Variants in PTPRF observed in about 807,000 individuals in gnomAD.
PTPRF encodes the protein protein tyrosine phosphatase receptor type F.
A neutral mutation model predicts 201.8 loss-of-function variants in PTPRF; 59 were observed. The observed-to-expected ratio is 0.29, with a 90% CI of 0.24 to 0.36. The LOEUF (loss-of-function observed/expected upper bound fraction) is 0.36, where lower values mean the gene tolerates loss of function less well. Among genes scored for constraint, PTPRF ranks in the 10% least tolerant of loss-of-function variants. The pLI, the probability that PTPRF is intolerant of heterozygous loss-of-function variation, is 1.00. For missense variants in PTPRF, 2,132 were observed against 2,690.5 expected, an observed-to-expected ratio of 0.79 and a Z score of 4.59; for synonymous variants, 1,088 against 1,089.7, an observed-to-expected ratio of 1.00 and a Z score of 0.03.
chr1:43,580,263 C>T (rs1005201664), intron 7 of PTPRF, among the ~76,000 whole-genome samples: 31 of 152,254 alleles, frequency 2.0e-4, no homozygotes, highest in African/African-American at 7.5e-4. Context: ...GTCAGACTTG[C>T]TTACTCAGAG....
intron 3 of PTPRF, among the ~76,000 whole-genome samples, chr1:43,552,124 A>AG (rs1266498886): frequency 6.6e-6 from 1 of 151,930 alleles, no homozygotes; most frequent in East Asian, 1.9e-4. Context: ...AGAAAAAAAA[A>AG]ATTCACAAAC....
Position 43,620,525 on chromosome 1 carries a change from T to G in PTPRF, c.5310T>G (p.Ala1770=), listed in dbSNP as rs200994272. Residue 1770 remains alanine (A), a synonymous_variant, in exon 31 of 34, where the codon GCT becomes GCG. Coordinates refer to ENST00000359947, the MANE Select transcript of PTPRF (RefSeq NM_002840.5). ...AGTACTTTGTTGTTGACCCGATGGC[T>G]GAGTACAACATGCCCCAGTATATCC... The part of the protein sequence containing the change: ...RYQYFVVDPM[A]EYNMPQYILR... 68 of 1,613,936 alleles carry G rather than the reference T, an allele frequency of 4.2e-5. No individual in the cohort carries two copies. Among genetic ancestry groups the G allele is most frequent in the Middle Eastern group, 1.6e-4 (1 of 6,082 alleles).
chr1:43,588,807 A>T lies in PTPRF; in HGVS notation c.756A>T (p.Thr252=), dbSNP rs1459905156. The T allele has an allele frequency of 6.2e-7, 1 of 1,614,058 alleles. No individual in the cohort carries two copies. The highest frequency in any genetic ancestry group is 1.3e-5 in the African/African-American group (1 of 75,058). The change falls in exon 8 of 34, where the codon ACA becomes ACT. Residue 252 remains threonine, a synonymous_variant. Coordinates refer to ENST00000359947, the MANE Select transcript of PTPRF (RefSeq NM_002840.5). The surrounding 1 kb of genome is among the most constrained non-coding windows in gnomAD (Gnocchi z 5.3). ...TGCCAGGCGGCAGCGTGAACCTGAC[A>T]TGCGTGGCAGTGGGTGCACCCATGC... ...EVMPGGSVNL[T]CVAVGAPMPY...
chr1:43,620,616 T>G (rs772354250), intron 31 of PTPRF, 37 bp downstream of exon 31: 10 of 1,603,776 alleles, frequency 6.2e-6, no homozygotes, highest in Admixed American at 3.4e-5. Context: ...TAACGCTGCC[T>G]GTCCACACGC....
intron 24 of PTPRF, 23 bp downstream of exon 24, chr1:43,617,591 C>G (rs757471591): frequency 3.7e-6 from 6 of 1,613,538 alleles, no homozygotes; most frequent in Non-Finnish European, 5.1e-6. Flanking sequence ...GGTGCCCCTC[C>G]CATCCCCTTG....
At chr1:43,598,600 T>A in intron 12 of PTPRF, 120 bp from the exon 13 acceptor site, 1 of 934,486 alleles carries the variant, frequency 1.1e-6, no homozygotes, top group Non-Finnish European at 1.6e-6. Flanking sequence ...CTAAGGAAAC[T>A]GTATCAGGGC....
In PTPRF at chr1:43,602,567, TCAAGG is replaced by T. The variant is rs1557824539; in HGVS notation, c.2340+472_2340+476del. Among the ~76,000 whole-genome samples the T allele has an allele frequency of 4.6e-5, 7 of 152,130 alleles. No individual in the cohort carries two copies. The South Asian group carries it at 1.2e-3, about 27-fold the overall frequency. On this transcript the variant is annotated intron_variant, in intron 14 of 33. Transcript: ENST00000359947. The stretch of plus-strand genomic sequence containing the variant: ...GTGGTGGCAGCTGCAGGGGCCCCAC[TCAAGG>T]CCAGAGCTGGAGGGATACCAGGGTT...
intron 17 of PTPRF, 85 bp downstream of exon 17, chr1:43,605,085 C>T (rs1028034442): frequency 2.0e-5 from 32 of 1,577,174 alleles, no homozygotes; most frequent in South Asian, 9.1e-5. Context: ...CATGTGCATC[C>T]GGCTGTGGAG....
In PTPRF at chr1:43,604,882, ACT is replaced by A. The variant is rs781199201; in HGVS notation, c.3038-14_3038-13del. The A allele has an allele frequency of 4.4e-6, 7 of 1,606,906 alleles. No homozygotes were observed. Among genetic ancestry groups the A allele is most frequent in the Non-Finnish European group, 3.4e-6 (4 of 1,174,660 alleles). ...CCACCTCATATACCCAGCAGAGCTG[ACT>A]CTCTCTATGCCTTTGCAGTGTTTGC... On this transcript the variant is annotated intron_variant, in intron 16 of 33. Transcript: ENST00000359947.
chr1:43,524,593 G>T (rs1276235742), upstream of PTPRF, among the ~76,000 whole-genome samples: 3 of 152,148 alleles, frequency 2.0e-5, no homozygotes, highest in Non-Finnish European at 4.4e-5. Context: ...GAAGGTTGGG[G>T]GTGGTGCTCA....
Position 43,545,102 on chromosome 1 carries a change from G to A in PTPRF, c.27G>A (p.Arg9=). The change falls in exon 3 of 34, where the codon AGG becomes AGA. Residue 9 remains arginine, a synonymous_variant. Coordinates refer to ENST00000359947, the MANE Select transcript of PTPRF (RefSeq NM_002840.5). MAPEPAPG[R]TMVPLVPALV... ...TGGCCCCTGAGCCAGCCCCAGGGAG[G>A]ACGATGGTGCCCCTTGTGCCTGCAC... 2 of 1,586,708 alleles carry A rather than the reference G, an allele frequency of 1.3e-6. No individual in the cohort carries two copies. The highest frequency in any genetic ancestry group is 8.6e-7 in the Non-Finnish European group (1 of 1,166,218).
Position 43,569,806 on chromosome 1 carries a change from C to G in PTPRF, c.568+28C>G, listed in dbSNP as rs760735056. On this transcript the variant is annotated intron_variant, in intron 6 of 33. Coordinates refer to ENST00000359947, the MANE Select transcript of PTPRF (RefSeq NM_002840.5). ...GAGCAGAGGGCAGGGGTCAAGGGGC[C>G]ATGCAGACCTCAGAACAAGCGTCTT... The G allele has an allele frequency of 2.5e-6, 4 of 1,579,922 alleles. No individual in the cohort carries two copies. The South Asian group carries it at 4.6e-5, about 18-fold the overall frequency.
intron 6 of PTPRF, chr1:43,575,984 C>T (rs1352745172): frequency 7.4e-7 from 1 of 1,350,798 alleles, no homozygotes; most frequent in East Asian, 4.6e-5. Flanking sequence ...CCGTCACCTC[C>T]ACTCCATCCC....
chr1:43,598,151 C>A, intron 12 of PTPRF, 98 bp downstream of exon 12: 1 of 1,243,410 alleles, frequency 8.0e-7, no homozygotes, highest in Non-Finnish European at 1.1e-6. Flanking sequence ...AGGCCCAGGT[C>A]AACTCATCTT....
intron 2 of PTPRF, among the ~76,000 whole-genome samples, chr1:43,539,464 A>G (rs553263024): frequency 1.3e-5 from 2 of 152,304 alleles, no homozygotes; most frequent in South Asian, 4.1e-4. Flanking sequence ...TCTCTTGTTC[A>G]TCACCCTGCC....
intron 20 of PTPRF, 141 bp from the exon 21 acceptor site, chr1:43,606,673 C>T: frequency 3.9e-6 from 5 of 1,269,484 alleles, no homozygotes; most frequent in Non-Finnish European, 5.4e-6. Context: ...GGGACCCAGT[C>T]CTGCCAGGTC....
intron 5 of PTPRF, among the ~76,000 whole-genome samples, chr1:43,558,858 A>G (rs1334381393): frequency 1.3e-5 from 2 of 152,028 alleles, no homozygotes; most frequent in African/African-American, 4.8e-5. Context: ...TCATGGATTC[A>G]CCTGGGGCCG....
At chr1:43,577,048 C>G (rs1318011451) in intron 6 of PTPRF, among the ~76,000 whole-genome samples, 2 of 152,124 alleles carry the variant, frequency 1.3e-5, no homozygotes, top group African/African-American at 2.4e-5. Context: ...CAAATAGGCA[C>G]CCAGTCTCTG....
chr1:43,531,619 C>T lies in PTPRF; in HGVS notation c.-126+529C>T, dbSNP rs534461405. ...AGCCGGCGCGCCCGGGTCTCGCTCG[C>T]GGCCCCGGCGCACGTGCGGTCCCGG... On this transcript the variant is annotated intron_variant, in intron 1 of 33. Coordinates refer to ENST00000359947, the MANE Select transcript of PTPRF (RefSeq NM_002840.5). Among the ~76,000 whole-genome samples the T allele has an allele frequency of 2.5e-3, 378 of 150,290 alleles. 1 individual carries two copies. The highest frequency in any genetic ancestry group is 8.7e-3 in the African/African-American group (360 of 41,146).
Sources: gnomAD v4.1 joint callset for allele counts (sites outside exome capture counted in the v4.1 genomes callset) on GRCh38, gnomAD v4.1.1 for gene constraint, Gnocchi (gnomAD v3.1) non-coding constraint, MANE v1.5 for transcripts, NCBI Gene and HGNC (gene_info 2026-07-23, HGNC 2026-07-21) for gene names.